The following PLXDC2 variants were observed in gnomAD, a reference collection of about 807,000 sequenced individuals.
PLXDC2 encodes plexin domain containing 2.
A neutral mutation model predicts 68.9 loss-of-function variants in PLXDC2; 40 were observed. The observed-to-expected ratio is 0.58, with a 90% CI of 0.45 to 0.76. The LOEUF is 0.76. Among genes scored for constraint, PLXDC2 ranks in the 30% least tolerant of loss-of-function variants. PLXDC2 has a pLI of 0.00. For missense variants in PLXDC2, 644 were observed against 661.9 expected (o/e 0.97, Z 0.30); for synonymous variants, 243 against 234.2 (o/e 1.04, Z -0.34).
chr10:20,155,496 A>G (rs1269229180), intron 6 of PLXDC2, among the ~76,000 whole-genome samples: 1 of 152,188 alleles, frequency 6.6e-6, no homozygotes, highest in Non-Finnish European at 1.5e-5. Flanking sequence ...TATATCTAAT[A>G]CAAGGAAAAG....
chr10:20,221,638 A>G lies in PLXDC2; in HGVS notation c.1312+2536A>G, dbSNP rs76920440. ...CTAAGTTAGTGTGCTATTGTTTTTT[A>G]TTTTATGGAATGTGGAGATGCAGGA... On this transcript the variant is annotated intron_variant, in intron 12 of 13. Coordinates refer to ENST00000377252, the MANE Select transcript of PLXDC2 (RefSeq NM_032812.9). Among the ~76,000 whole-genome samples the G allele has an allele frequency of 2.1e-3, 316 of 152,260 alleles. 4 individuals are homozygous for G. Among genetic ancestry groups the G allele is most frequent in the African/African-American group, 7.2e-3 (298 of 41,556 alleles).
At chr10:20,179,720 G>A (rs538493979) in intron 9 of PLXDC2, among the ~76,000 whole-genome samples, 30 of 152,048 alleles carry the variant, frequency 2.0e-4, no homozygotes, top group Non-Finnish European at 3.8e-4. Context: ...CTGCAAGTTG[G>A]AATCTGCTTC....
At chr10:20,084,359 C>G (rs1053075032) in intron 4 of PLXDC2, among the ~76,000 whole-genome samples, 7 of 152,136 alleles carry the variant, frequency 4.6e-5, no homozygotes, top group Non-Finnish European at 1.0e-4. Context: ...TGGAGGCACC[C>G]TGTCTTTGAG....
intron 4 of PLXDC2, among the ~76,000 whole-genome samples, chr10:20,127,223 C>T (rs1453637516): frequency 2.6e-5 from 4 of 152,004 alleles, no homozygotes; most frequent in Non-Finnish European, 5.9e-5. Flanking sequence ...ATTTATCTTG[C>T]CATGAAAAGG....
At chr10:20,172,300 A>G (rs903439248) in intron 7 of PLXDC2, among the ~76,000 whole-genome samples, 1 of 149,572 alleles carries the variant, frequency 6.7e-6, no homozygotes, top group Non-Finnish European at 1.5e-5. Flanking sequence ...CCTTCTTCCC[A>G]TAAGTCTCAG....
intron 13 of PLXDC2, among the ~76,000 whole-genome samples, chr10:20,266,073 A>G (rs1835868517): frequency 1.3e-5 from 2 of 152,324 alleles, no homozygotes; most frequent in East Asian, 1.9e-4. Context: ...AGAAAATTTT[A>G]AAAGGGATTA....
intron 1 of PLXDC2, among the ~76,000 whole-genome samples, chr10:19,861,888 C>G (rs541693952): frequency 6.6e-6 from 1 of 152,136 alleles, no homozygotes; most frequent in Non-Finnish European, 1.5e-5. Context: ...CATCAAGATC[C>G]TGGTCTTTCA....
chr10:20,083,897 G>GA (rs1218370742), intron 4 of PLXDC2, among the ~76,000 whole-genome samples: 4 of 152,066 alleles, frequency 2.6e-5, no homozygotes, highest in Non-Finnish European at 4.4e-5. Flanking sequence ...AAGAAGGACA[G>GA]AAAAAAGATT....
chr10:20,266,951 AAG>A (rs1412217330), intron 13 of PLXDC2, among the ~76,000 whole-genome samples: 6 of 152,198 alleles, frequency 3.9e-5, no homozygotes, highest in African/African-American at 1.4e-4. Flanking sequence ...ACGGAAAGTT[AAG>A]AGTTAGCAGA....
intron 6 of PLXDC2, among the ~76,000 whole-genome samples, chr10:20,163,296 A>G (rs1233711845): frequency 1.3e-5 from 2 of 152,212 alleles, no homozygotes; most frequent in Admixed American, 6.5e-5. Flanking sequence ...CACAAATTCC[A>G]AAAGCAATGA....
intron 1 of PLXDC2, among the ~76,000 whole-genome samples, chr10:19,921,630 T>C (rs953949189): frequency 6.6e-6 from 1 of 152,300 alleles, no homozygotes; most frequent in Non-Finnish European, 1.5e-5. Flanking sequence ...AACTCTGTTA[T>C]GATTACAATT....
intron 2 of PLXDC2, among the ~76,000 whole-genome samples, chr10:20,040,286 G>A (rs1011229275): frequency 3.9e-5 from 6 of 152,170 alleles, no homozygotes; most frequent in Non-Finnish European, 8.8e-5. Context: ...AGACTGCCAC[G>A]TCTGGACAGA....
At chr10:19,931,629 G>T (rs753105977) in intron 1 of PLXDC2, among the ~76,000 whole-genome samples, 1 of 152,160 alleles carries the variant, frequency 6.6e-6, no homozygotes. Context: ...AGTGGGGTGA[G>T]ATATATTTTC....
chr10:20,108,207 T>C (rs2461944), intron 4 of PLXDC2, among the ~76,000 whole-genome samples: 49,273 of 152,028 alleles, frequency 0.32, 10,396 homozygotes, highest in Non-Finnish European at 0.48. Context: ...AACTCCTTTC[T>C]CTCTAATGTA....
chr10:20,156,889 G>A (rs1380203592), intron 6 of PLXDC2, among the ~76,000 whole-genome samples: 5 of 152,152 alleles, frequency 3.3e-5, no homozygotes, highest in Admixed American at 3.3e-4. Flanking sequence ...GTAGTTTACA[G>A]ACAACTCACC....
chr10:20,118,917 A>AG (rs1167258943), intron 4 of PLXDC2, among the ~76,000 whole-genome samples: 2 of 142,178 alleles, frequency 1.4e-5, no homozygotes, highest in Admixed American at 1.5e-4. Context: ...TTTACATTGA[A>AG]GCCTTTTTTT....
rs557390246 is a variant in PLXDC2 at position 20,021,879 on chromosome 10, A to G, written c.324+19893A>G. 2.0e-5 allele frequency among the ~76,000 whole-genome samples: 3 copies of G among 152,094 alleles called. No homozygotes were observed. The South Asian group carries it at 6.2e-4, about 32-fold the overall frequency. ...AGGCCCAGCTAATTTTTGTATTTTT[A>G]GTAGAGACAGGGCTTCACCACGTTG... On this transcript the variant is annotated intron_variant, in intron 2 of 13. Transcript: ENST00000377252.
At chr10:20,042,915 A>G (rs746154888) in intron 2 of PLXDC2, among the ~76,000 whole-genome samples, 17 of 152,166 alleles carry the variant, frequency 1.1e-4, no homozygotes, top group Non-Finnish European at 2.4e-4. Flanking sequence ...ACTTTCTCTA[A>G]CAGTTGGTTT....
At chr10:20,212,343 G>A (rs1207482891) in intron 10 of PLXDC2, among the ~76,000 whole-genome samples, 2 of 152,092 alleles carry the variant, frequency 1.3e-5, no homozygotes, top group Non-Finnish European at 2.9e-5. Context: ...TAGAGAGATG[G>A]TATAATGTTA....
Sources: gnomAD v4.1 joint callset for allele counts (sites outside exome capture counted in the v4.1 genomes callset) on GRCh38, gnomAD v4.1.1 for gene constraint, MANE v1.5 for transcripts, NCBI Gene and HGNC (gene_info 2026-07-23, HGNC 2026-07-21) for gene names.